The following NEB variants were observed in gnomAD, a reference collection of about 807,000 sequenced individuals.
NEB encodes the protein nemaline myopathy type 2.
In NEB, 512 loss-of-function variants were observed where a neutral mutation model predicts 952.2. The observed-to-expected ratio is 0.54, with a 90% CI of 0.50 to 0.58. The LOEUF (loss-of-function observed/expected upper bound fraction) is 0.58, where lower values mean the gene tolerates loss of function less well. NEB is among the 20% of genes least tolerant of loss of function. The pLI is 0.00. For synonymous variants in NEB, 2,900 were observed against 3,149.8 expected (o/e 0.92, Z 2.66); for missense variants, 8,428 against 9,231.1 (o/e 0.91, Z 3.56).
chr2:151,495,631 T>TA (rs1300399435), intron 173 of NEB, among the ~76,000 whole-genome samples: 3 of 152,124 alleles, frequency 2.0e-5, no homozygotes, highest in African/African-American at 7.2e-5. Flanking sequence ...AATGGTTTAC[T>TA]AAAGTTTGCA....
At chr2:151,560,476 C>A (rs983486587) in intron 124 of NEB, 116 bp downstream of exon 124, 2 of 773,162 alleles carry the variant, frequency 2.6e-6, no homozygotes, top group Non-Finnish European at 4.3e-6. Flanking sequence ...GACATGCCCA[C>A]GGGAGTGCTA....
At chr2:151,695,938 G>T (rs1323399735) in intron 17 of NEB, among the ~76,000 whole-genome samples, 1 of 152,116 alleles carries the variant, frequency 6.6e-6, no homozygotes, top group East Asian at 1.9e-4. Flanking sequence ...TAGCACAATT[G>T]TCCCTGCAGG....
chr2:151,499,252 T>A (rs961178723), intron 169 of NEB, 46 bp downstream of exon 169: 1 of 1,051,140 alleles, frequency 9.5e-7, no homozygotes, highest in Non-Finnish European at 1.4e-6. Context: ...TTAATCTTTT[T>A]AAACATTTTT....
intron 3 of NEB, among the ~76,000 whole-genome samples, chr2:151,730,586 A>G (rs895105471): frequency 6.6e-6 from 1 of 150,822 alleles, no homozygotes; most frequent in Non-Finnish European, 1.5e-5. Context: ...GGAAAGGGAT[A>G]AAGATGAAAC....
chr2:151,705,884 G>A lies in NEB; in HGVS notation c.1152+997C>T, dbSNP rs562338944. Among the ~76,000 whole-genome samples, 180 of 152,246 alleles carry A rather than the reference G, an allele frequency of 1.2e-3. 1 individual carries two copies. The highest frequency in any genetic ancestry group is 4.2e-3 in the African/African-American group (176 of 41,548). ...GAAGCTAAGCTATGAGGACACAAAG[G>A]CAGAAGAATGATATAATGGACTTTG... On this transcript the variant is annotated intron_variant, in intron 13 of 181. Transcript: ENST00000397345.
chr2:151,516,589 A>C (rs372092324), intron 156 of NEB, 26 bp from the exon 157 acceptor site: 3 of 1,442,692 alleles, frequency 2.1e-6, no homozygotes, highest in East Asian at 2.3e-5. Context: ...CATGTTAGAT[A>C]TCTCTCCTCT....
Position 151,549,713 on chromosome 2 carries a change from G to C in NEB, c.19972C>G (p.Leu6658Val). ...SNLYKTSLRTLPTGYRLPGDT... is the reference protein window; with the variant it reads ...SNLYKTSLRTVPTGYRLPGDT... ...CCTGGAAGTCTATATCCAGTGGGCAGGGTGCGCAGGCTGGTTTTGTATAGA... is the reference window on the plus strand; with the variant it reads ...CCTGGAAGTCTATATCCAGTGGGCACGGTGCGCAGGCTGGTTTTGTATAGA... The change falls in exon 130 of 182, where the codon CTG (leucine) becomes GTG (valine). Residue 6658 changes from leucine (L) to valine (V), a missense_variant. Transcript: ENST00000397345. The C allele has an allele frequency of 6.3e-7, 1 of 1,593,944 alleles. No homozygotes were observed. The highest frequency in any genetic ancestry group is 8.6e-7 in the Non-Finnish European group (1 of 1,169,366).
At chr2:151,634,642 AAAAATAAAAT>A (rs1048571316) in intron 64 of NEB, among the ~76,000 whole-genome samples, 1 of 152,144 alleles carries the variant, frequency 6.6e-6, no homozygotes, top group Non-Finnish European at 1.5e-5. Context: ...TCCATCTCAA[AAAAATAAAAT>A]AAAATAAAAT....
chr2:151,658,149 T>C (rs2099106784), intron 47 of NEB, 59 bp from the exon 48 acceptor site: 8 of 1,298,432 alleles, frequency 6.2e-6, no homozygotes, highest in African/African-American at 1.5e-5. Flanking sequence ...GGATTTATTT[T>C]AGAAGAGTAA....
chr2:151,654,174 A>C, intron 51 of NEB, 75 bp from the exon 52 acceptor site: 3 of 836,316 alleles, frequency 3.6e-6, no homozygotes, highest in Non-Finnish European at 5.4e-6. Context: ...GGAAAAGTTT[A>C]CCTACAGAGT....
At position 151,617,484 on chromosome 2, in the gene NEB, AAAAAG is replaced by A; in HGVS notation, c.11077-21_11077-17del. 28 of 1,411,562 alleles carry A rather than the reference AAAAAG, an allele frequency of 2.0e-5. No homozygotes were observed. The highest frequency in any genetic ancestry group is 2.7e-5 in the South Asian group (2 of 74,304). The allele number at this position is 1,411,562 out of a possible 1,614,324, so 87.4% of individuals were successfully genotyped here. On this transcript the variant is annotated splice_polypyrimidine_tract_variant and intron_variant, in intron 74 of 181. Coordinates refer to ENST00000397345, the MANE Select transcript of NEB (RefSeq NM_001164508.2). ...TATATAAGCGCTACAAAAAAAAAAA[AAAAAG>A]AGAGAGAGAGAGAGAAAAATTATTT...
At chr2:151,667,037 G>A (rs532431337) in intron 40 of NEB, among the ~76,000 whole-genome samples, 3 of 149,308 alleles carry the variant, frequency 2.0e-5, no homozygotes, top group South Asian at 4.3e-4. Context: ...AACTTAATTT[G>A]TAAAAAAAAA....
chr2:151,520,768 G>C (rs2081396824), intron 153 of NEB, among the ~76,000 whole-genome samples: 1 of 152,218 alleles, frequency 6.6e-6, no homozygotes. Flanking sequence ...GGAGGCTGAA[G>C]TGGGAGGATC....
chr2:151,610,502 T>A lies in NEB; in HGVS notation c.12018+14A>T, dbSNP rs369040645. The A allele has an allele frequency of 1.3e-6, 2 of 1,580,344 alleles. No homozygotes were observed. The highest frequency in any genetic ancestry group is 1.7e-6 in the Non-Finnish European group (2 of 1,149,514). Reference sequence around the variant, plus strand: ...ACAGTGGAGACCACAGAGAGTTAGATGGAAGGTACTCACGTCACTGGCGAT... The same window carrying A: ...ACAGTGGAGACCACAGAGAGTTAGAAGGAAGGTACTCACGTCACTGGCGAT... On this transcript the variant is annotated intron_variant, in intron 80 of 181. Transcript: ENST00000397345.
At position 151,725,486 on chromosome 2, in the gene NEB, G is replaced by A. The variant is rs2099787801; in HGVS notation, c.369C>T (p.Arg123=). 1.2e-6 allele frequency: 2 copies of A among 1,613,164 alleles called. No homozygotes were observed. Among genetic ancestry groups the A allele is most frequent in the East Asian group, 4.5e-5 (2 of 44,842 alleles). Residue 123 remains arginine (R), a synonymous_variant, in exon 6 of 182, where the codon CGC becomes CGT. Transcript: ENST00000397345. ...YASTTDTPEL[R]RIKKVQDQLS... ...GTTGATCTTGTACTTTTTTGATTCT[G>A]CGAAGTTCTGGAGTATCTGTTGTGC...
chr2:151,514,902 C>T lies in NEB; in HGVS notation c.22932G>A (p.Glu7644=). ...SGKEYRKDYE[E]SIKGRNLTGL... ...CAGTCAGGTTTCTGCCTTTAATGGA[C>T]TCTTCATAATCTTTCCTATATTCTT... is the stretch of plus-strand genomic sequence containing the variant. Residue 7644 remains glutamate (E), a synonymous_variant, in exon 158 of 182, where the codon GAG becomes GAA. Transcript: ENST00000397345. 6.3e-7 allele frequency: 1 copy of T among 1,577,582 alleles called. No individual in the cohort carries two copies.
intron 48 of NEB, among the ~76,000 whole-genome samples, 181 bp from the exon 49 acceptor site, chr2:151,656,645 C>A (rs2099088265): frequency 6.6e-6 from 1 of 151,848 alleles, no homozygotes; most frequent in Non-Finnish European, 1.5e-5. Flanking sequence ...ATACAACTCT[C>A]CCTTGTGAGG....
At chr2:151,638,349 T>G (rs2154097740) in intron 63 of NEB, among the ~76,000 whole-genome samples, 1 of 152,294 alleles carries the variant, frequency 6.6e-6, no homozygotes, top group African/African-American at 2.4e-5. Context: ...TTTTGCTCAG[T>G]TCTGAGAGTC....
chr2:151,638,360 AC>A (rs2098800452), intron 63 of NEB, among the ~76,000 whole-genome samples: 1 of 152,186 alleles, frequency 6.6e-6, no homozygotes, highest in African/African-American at 2.4e-5. Context: ...TCTGAGAGTC[AC>A]ATTTTACTAG....
Sources: allele counts gnomAD v4.1 joint callset (sites outside exome capture counted in the v4.1 genomes callset), GRCh38; gene constraint gnomAD v4.1.1; transcripts MANE v1.5; gene names NCBI Gene and HGNC (gene_info 2026-07-23, HGNC 2026-07-21).